The following PDE1C variants were observed in gnomAD, a reference collection of about 807,000 sequenced individuals.
The protein encoded by PDE1C is dual specificity calcium/calmodulin-dependent 3',5'-cyclic nucleotide phosphodiesterase 1C.
PDE1C carries 62 observed loss-of-function variants against 93.1 expected under a neutral mutation model. That is an observed-to-expected ratio of 0.67 (90% CI 0.54 to 0.82). The LOEUF (loss-of-function observed/expected upper bound fraction) is 0.82. Ranked by LOEUF, PDE1C falls within the 40% of genes least tolerant of loss-of-function variation. The pLI is 0.00. For missense variants in PDE1C, 742 were observed against 884.6 expected (o/e 0.84, Z 2.04); for synonymous variants, 325 against 310.1 (o/e 1.05, Z -0.50).
chr7:31,858,082 G>A (rs1348398333), intron 7 of PDE1C, among the ~76,000 whole-genome samples: 1 of 152,148 alleles, frequency 6.6e-6, no homozygotes, highest in African/African-American at 2.4e-5. Context: ...CATGGGAGAA[G>A]CTAAGAGGTA....
intron 3 of PDE1C, among the ~76,000 whole-genome samples, chr7:32,113,995 G>A (rs1020200216): frequency 2.6e-4 from 39 of 152,258 alleles, no homozygotes; most frequent in African/African-American, 9.1e-4. Flanking sequence ...CGAACACATG[G>A]AAAAACATTC....
the PDE1C span, chr7:31,651,037 T>C: frequency 7.5e-7 from 1 of 1,327,744 alleles, no homozygotes; most frequent in Non-Finnish European, 1.0e-6. Context: ...GTAGGGCCTG[T>C]TTGCGAAAAA....
the PDE1C span, among the ~76,000 whole-genome samples, chr7:31,735,913 A>G: frequency 6.6e-6 from 1 of 152,230 alleles, no homozygotes; most frequent in Non-Finnish European, 1.5e-5. Flanking sequence ...AAAGCGGCAT[A>G]GTATTTGCAT....
At chr7:31,642,986 A>G in the PDE1C span, 2 of 1,614,036 alleles carry the variant, frequency 1.2e-6, no homozygotes, top group Non-Finnish European at 1.7e-6. Context: ...AAAGACAGCC[A>G]TCTGTGGCAG....
rs1789490894 is a variant in PDE1C at position 31,825,104 on chromosome 7, T to C, written c.1286-117A>G. The C allele has an allele frequency of 3.9e-6, 5 of 1,294,232 alleles. No individual in the cohort carries two copies. The Admixed American group carries it at 9.7e-5, about 25-fold the overall frequency. The allele number at this position is 1,294,232 out of a possible 1,614,324, so 80.2% of individuals were successfully genotyped here. A position where few individuals can be genotyped will look rare whatever the true frequency, so the allele number is the denominator to read the frequency against. On this transcript the variant is annotated intron_variant, in intron 12 of 17. Transcript: ENST00000396191. Reference sequence around the variant, plus strand: ...CAGATTAAAAGAGAATGGCTTGATCTTATGTACTGTATGTATTCCTTGATT... The same window carrying C: ...CAGATTAAAAGAGAATGGCTTGATCCTATGTACTGTATGTATTCCTTGATT...
intron 1 of PDE1C, among the ~76,000 whole-genome samples, chr7:32,378,367 G>T (rs202107621): frequency 6.6e-6 from 1 of 152,078 alleles, no homozygotes; most frequent in Non-Finnish European, 1.5e-5. Context: ...CTTGCTTTTA[G>T]CCTTCAAGCT....
intron 1 of PDE1C, among the ~76,000 whole-genome samples, chr7:32,420,142 C>T (rs1208964911): frequency 0.013 from 389 of 30,864 alleles, 7 homozygotes; most frequent in Non-Finnish European, 0.015. Context: ...CACACACACA[C>T]ACACACACAC....
At chr7:32,153,994 C>T (rs1801419466) in intron 3 of PDE1C, among the ~76,000 whole-genome samples, 3 of 151,986 alleles carry the variant, frequency 2.0e-5, no homozygotes, top group African/African-American at 7.2e-5. Flanking sequence ...TGGCTTATGC[C>T]CTTCATTCCA....
At chr7:31,631,569 C>T in the PDE1C span, among the ~76,000 whole-genome samples, 1 of 151,950 alleles carries the variant, frequency 6.6e-6, no homozygotes, top group Non-Finnish European at 1.5e-5. Context: ...AGTATTGAGC[C>T]AAAGATAAGT....
At chr7:32,054,666 C>T (rs557385900) in intron 1 of PDE1C, among the ~76,000 whole-genome samples, 9 of 152,288 alleles carry the variant, frequency 5.9e-5, no homozygotes, top group African/African-American at 1.7e-4. Context: ...GATTTTCAGT[C>T]CAACTCACCT....
At chr7:32,189,669 T>C (rs1389839174) in intron 2 of PDE1C, among the ~76,000 whole-genome samples, 2 of 152,154 alleles carry the variant, frequency 1.3e-5, no homozygotes, top group Non-Finnish European at 2.9e-5. Context: ...TTAATCTGAG[T>C]CATGTTTAAA....
At chr7:32,369,641 T>G (rs1370960523) in intron 1 of PDE1C, among the ~76,000 whole-genome samples, 2 of 152,210 alleles carry the variant, frequency 1.3e-5, no homozygotes, top group African/African-American at 4.8e-5. Flanking sequence ...TCTTGCAATT[T>G]ATCCAAAGAA....
intron 1 of PDE1C, among the ~76,000 whole-genome samples, chr7:32,360,484 G>C (rs1467880998): frequency 8.0e-5 from 1 of 12,488 alleles, no homozygotes; most frequent in African/African-American, 1.0e-4. Flanking sequence ...AAAGGGAAGC[G>C]GTGGAGAGTG....
At chr7:31,832,420 G>T (rs1257885324) in intron 11 of PDE1C, among the ~76,000 whole-genome samples, 1 of 152,166 alleles carries the variant, frequency 6.6e-6, no homozygotes, top group Non-Finnish European at 1.5e-5. Flanking sequence ...TAAAACTGAA[G>T]ATGTAACTTA....
At chr7:31,736,895 G>A in the PDE1C span, among the ~76,000 whole-genome samples, 1 of 152,074 alleles carries the variant, frequency 6.6e-6, no homozygotes, top group Non-Finnish European at 1.5e-5. Flanking sequence ...CGCAGTTGAT[G>A]TTCTAATTAC....
At chr7:31,794,132 G>GCAGA (rs755488003) in intron 16 of PDE1C, among the ~76,000 whole-genome samples, 28 of 147,776 alleles carry the variant, frequency 1.9e-4, no homozygotes, top group Middle Eastern at 3.5e-3. Flanking sequence ...AGGCAGGCAG[G>GCAGA]CAGACAGACA....
the PDE1C span, among the ~76,000 whole-genome samples, chr7:31,731,282 G>A: frequency 2.0e-5 from 3 of 152,058 alleles, no homozygotes; most frequent in African/African-American, 7.2e-5. Context: ...GTGGGGCTGA[G>A]GATCAACTGG....
intron 1 of PDE1C, among the ~76,000 whole-genome samples, chr7:32,331,720 C>T (rs1418688223): frequency 1.3e-5 from 2 of 152,036 alleles, no homozygotes. Context: ...AGGACTTAGT[C>T]GTACTTGAGA....
chr7:32,294,762 A>G (rs1171310602), intron 1 of PDE1C, among the ~76,000 whole-genome samples: 1 of 152,178 alleles, frequency 6.6e-6, no homozygotes, highest in Non-Finnish European at 1.5e-5. Context: ...CATCCCAATC[A>G]TTCACTTCAT....
Sources: allele counts gnomAD v4.1 joint callset (sites outside exome capture counted in the v4.1 genomes callset), GRCh38; gene constraint gnomAD v4.1.1; transcripts MANE v1.5; gene names NCBI Gene and HGNC (gene_info 2026-07-23, HGNC 2026-07-21).